The following PTPRD variants were observed in gnomAD, a reference collection of about 807,000 sequenced individuals.
The protein encoded by PTPRD is receptor-type tyrosine-protein phosphatase delta.
A neutral mutation model predicts 214.5 loss-of-function variants in PTPRD; 34 were observed. That is an observed-to-expected ratio of 0.16 (90% CI 0.12 to 0.21). The LOEUF (loss-of-function observed/expected upper bound fraction) is 0.21, where lower values mean the gene tolerates loss of function less well. PTPRD is among the 10% of genes least tolerant of loss of function. The pLI is 1.00. For missense variants in PTPRD, 2,545 were observed against 2,398.7 expected (o/e 1.06, Z -1.27); for synonymous variants, 1,128 against 845.7 (o/e 1.33, Z -5.79).
intron 8 of PTPRD, among the ~76,000 whole-genome samples, chr9:9,473,413 G>A (rs995658020): frequency 1.3e-5 from 2 of 152,052 alleles, no homozygotes; most frequent in East Asian, 1.9e-4. Flanking sequence ...TGTCTATTGC[G>A]AATAAAACTG....
intron 8 of PTPRD, among the ~76,000 whole-genome samples, chr9:9,422,463 C>A (rs1187874468): frequency 2.0e-5 from 3 of 152,082 alleles, no homozygotes; most frequent in African/African-American, 4.8e-5. Context: ...GACAAAGAAG[C>A]ATTTTTTTAA....
chr9:10,407,785 A>G (rs1180120221), intron 2 of PTPRD, among the ~76,000 whole-genome samples: 5 of 151,742 alleles, frequency 3.3e-5, no homozygotes, highest in African/African-American at 4.8e-5. Flanking sequence ...GATTTCTAAT[A>G]AAATGGTAAC....
intron 4 of PTPRD, among the ~76,000 whole-genome samples, chr9:9,959,559 C>T (rs1401971926): frequency 6.6e-6 from 1 of 152,102 alleles, no homozygotes; most frequent in Non-Finnish European, 1.5e-5. Flanking sequence ...AATCTATCTT[C>T]CTACGACAAA....
intron 10 of PTPRD, among the ~76,000 whole-genome samples, chr9:9,075,201 T>C (rs540163604): frequency 6.6e-6 from 1 of 152,088 alleles, no homozygotes; most frequent in Admixed American, 6.6e-5. Context: ...TTAGGGTACA[T>C]GAGATATTTT....
At chr9:9,747,567 A>T (rs2098470997) in intron 6 of PTPRD, among the ~76,000 whole-genome samples, 2 of 133,744 alleles carry the variant, frequency 1.5e-5, no homozygotes, top group South Asian at 4.8e-4. Flanking sequence ...TCTCCCTGAG[A>T]TGGAGTTTCA....
At chr9:9,393,456 G>C (rs1416234740) in intron 9 of PTPRD, among the ~76,000 whole-genome samples, 1 of 152,110 alleles carries the variant, frequency 6.6e-6, no homozygotes. Context: ...CATATAGAAA[G>C]AGGGGCCACA....
intron 8 of PTPRD, among the ~76,000 whole-genome samples, chr9:9,407,466 T>G (rs2073910430): frequency 6.6e-6 from 1 of 151,798 alleles, no homozygotes; most frequent in African/African-American, 2.4e-5. Flanking sequence ...GTATCTACAT[T>G]GAGTATACCA....
intron 11 of PTPRD, among the ~76,000 whole-genome samples, chr9:8,866,695 A>G (rs1011991265): frequency 5.3e-5 from 8 of 152,168 alleles, no homozygotes; most frequent in Admixed American, 3.3e-4. Flanking sequence ...AAAACTATCC[A>G]TATTTCTTAC....
At chr9:9,180,008 T>C (rs939408378) in intron 10 of PTPRD, among the ~76,000 whole-genome samples, 2 of 152,140 alleles carry the variant, frequency 1.3e-5, no homozygotes, top group Non-Finnish European at 2.9e-5. Flanking sequence ...AAGAAAGCTC[T>C]TTTTTATTGG....
chr9:9,198,502 G>C (rs181232681), intron 9 of PTPRD, among the ~76,000 whole-genome samples: 1 of 151,980 alleles, frequency 6.6e-6, no homozygotes, highest in Non-Finnish European at 1.5e-5. Context: ...AGCGTACCAT[G>C]TATTTTACTG....
chr9:9,913,608 C>G (rs1020739408), intron 5 of PTPRD, among the ~76,000 whole-genome samples: 3 of 152,114 alleles, frequency 2.0e-5, no homozygotes, highest in African/African-American at 7.2e-5. Context: ...AGACCCATCT[C>G]CCCAACCCTG....
At chr9:10,222,981 C>G (rs1183754505) in intron 3 of PTPRD, among the ~76,000 whole-genome samples, 1 of 151,902 alleles carries the variant, frequency 6.6e-6, no homozygotes, top group African/African-American at 2.4e-5. Flanking sequence ...TATACCAAGC[C>G]AGAGGGAAAG....
At chr9:9,429,379 T>C (rs546673347) in intron 8 of PTPRD, among the ~76,000 whole-genome samples, 2 of 152,206 alleles carry the variant, frequency 1.3e-5, no homozygotes, top group South Asian at 2.1e-4. Flanking sequence ...AATAGACCAA[T>C]AGCAGGCTCT....
intron 3 of PTPRD, among the ~76,000 whole-genome samples, chr9:10,255,125 C>G (rs1410302987): frequency 6.6e-6 from 1 of 152,196 alleles, no homozygotes; most frequent in Non-Finnish European, 1.5e-5. Context: ...TGTTTTACAT[C>G]TGGCTCTGCT....
chr9:8,947,481 A>T (rs985581730), intron 11 of PTPRD, among the ~76,000 whole-genome samples: 14 of 149,848 alleles, frequency 9.3e-5, no homozygotes, highest in African/African-American at 3.4e-4. Flanking sequence ...AAAAAAAAAG[A>T]AAAAAGAAAA....
chr9:9,720,148 G>C (rs545947352), intron 7 of PTPRD, among the ~76,000 whole-genome samples: 1 of 152,302 alleles, frequency 6.6e-6, no homozygotes, highest in East Asian at 1.9e-4. Context: ...AGCTGGCAAA[G>C]TGACATCCTG....
At chr9:9,535,337 A>G (rs1176448553) in intron 8 of PTPRD, among the ~76,000 whole-genome samples, 1 of 152,142 alleles carries the variant, frequency 6.6e-6, no homozygotes, top group East Asian at 1.9e-4. Context: ...AAACGATCCA[A>G]AAGTGTTAAA....
chr9:9,676,298 C>G (rs1564477677), intron 7 of PTPRD, among the ~76,000 whole-genome samples: 1 of 137,038 alleles, frequency 7.3e-6, no homozygotes, highest in South Asian at 2.7e-4. Context: ...CACAACAGGC[C>G]CCAGTGTGTG....
chr9:10,576,099 A>G (rs1455657010), intron 2 of PTPRD, among the ~76,000 whole-genome samples: 1 of 152,192 alleles, frequency 6.6e-6, no homozygotes, highest in Non-Finnish European at 1.5e-5. Flanking sequence ...ATTAACCCAG[A>G]TTCCATTTCT....
Sources: gnomAD v4.1 joint callset for allele counts (sites outside exome capture counted in the v4.1 genomes callset) on GRCh38, gnomAD v4.1.1 for gene constraint, MANE v1.5 for transcripts, NCBI Gene and HGNC (gene_info 2026-07-23, HGNC 2026-07-21) for gene names.